PRKX: variants seen among roughly 807,000 people sequenced by gnomAD.
PRKX encodes the protein protein kinase cAMP-dependent X-linked catalytic subunit, also known as cAMP-dependent protein kinase catalytic subunit PRKX.
PRKX carries 12 observed loss-of-function variants against 22.0 expected under a neutral mutation model. The observed-to-expected ratio is 0.54, with a 90% CI of 0.35 to 0.88. The LOEUF (loss-of-function observed/expected upper bound fraction) is 0.88, where lower values mean the gene tolerates loss of function less well. Ranked by LOEUF, PRKX falls within the 40% of genes least tolerant of loss-of-function variation. The pLI, the probability that PRKX is intolerant of heterozygous loss-of-function variation, is 0.01. For missense variants in PRKX, 217 were observed against 308.0 expected (o/e 0.70, Z 2.21); for synonymous variants, 134 against 137.7 (o/e 0.97, Z 0.19).
At chrX:3,613,150 CA>C (rs528688936) in intron 7 of PRKX, among the ~76,000 whole-genome samples, 8 of 54,305 alleles carry the variant, frequency 1.5e-4, no homozygotes, top group African/African-American at 3.7e-4. Flanking sequence ...GACTTCGTCT[CA>C]AAAAAAAAAA....
At chrX:3,660,567 T>G (rs1447663699) in intron 2 of PRKX, among the ~76,000 whole-genome samples, 1 of 111,683 alleles carries the variant, frequency 9.0e-6, no homozygotes, top group Non-Finnish European at 1.9e-5. Flanking sequence ...CCCATCTACC[T>G]CACTCTGGGA....
At chrX:3,617,057 T>C (rs1397065525) in intron 6 of PRKX, among the ~76,000 whole-genome samples, 2 of 110,901 alleles carry the variant, frequency 1.8e-5, no homozygotes, top group East Asian at 5.6e-4. Flanking sequence ...CATTAATATA[T>C]ACACATACTT....
chrX:3,689,773 C>G lies in PRKX; in HGVS notation c.167-15007G>C, dbSNP rs193291270. On this transcript the variant is annotated intron_variant, in intron 1 of 8. Coordinates refer to ENST00000262848, the MANE Select transcript of PRKX (RefSeq NM_005044.5). Reference sequence around the variant, plus strand: ...CGGGCGGATCACAAGGTCAGGAGATCGAGACCATCCTGGCTAACACGGTGA... The same window carrying G: ...CGGGCGGATCACAAGGTCAGGAGATGGAGACCATCCTGGCTAACACGGTGA... 3.6e-3 allele frequency among the ~76,000 whole-genome samples: 401 copies of G among 111,599 alleles called. 1 individual carries two copies. Among genetic ancestry groups the G allele is most frequent in the Middle Eastern group, 9.3e-3 (2 of 216 alleles).
At chrX:3,682,469 G>A (rs1319700685) in intron 1 of PRKX, among the ~76,000 whole-genome samples, 1 of 110,725 alleles carries the variant, frequency 9.0e-6, no homozygotes, top group Non-Finnish European at 1.9e-5. Flanking sequence ...GCTCACCCCT[G>A]TAATCCCAGC....
At chrX:3,642,444 AG>A (rs2146574697) in intron 3 of PRKX, among the ~76,000 whole-genome samples, 1 of 109,995 alleles carries the variant, frequency 9.1e-6, no homozygotes, top group South Asian at 4.0e-4. Context: ...AGACACAGAG[AG>A]GGGGAAAAGC....
intron 5 of PRKX, among the ~76,000 whole-genome samples, chrX:3,622,071 G>T (rs1401622601): frequency 1.8e-5 from 2 of 110,983 alleles, no homozygotes; most frequent in African/African-American, 6.6e-5. Flanking sequence ...TTGAACCCAG[G>T]AGGCGAAGGT....
At chrX:3,617,049 TTAA>T (rs1168991639) in intron 6 of PRKX, among the ~76,000 whole-genome samples, 1 of 110,761 alleles carries the variant, frequency 9.0e-6, no homozygotes, top group East Asian at 2.8e-4. Flanking sequence ...CATACACACA[TTAA>T]TATATACACA....
intron 3 of PRKX, among the ~76,000 whole-genome samples, chrX:3,645,109 ATGAGACAGCC>A (rs1156451445): frequency 9.0e-6 from 1 of 111,232 alleles, no homozygotes; most frequent in Non-Finnish European, 1.9e-5. Flanking sequence ...TGAATATGAG[ATGAGACAGCC>A]TGAGTGTTAT....
At chrX:3,631,097 C>A (rs1926771191) in intron 4 of PRKX, among the ~76,000 whole-genome samples, 1 of 111,786 alleles carries the variant, frequency 8.9e-6, no homozygotes, top group African/African-American at 3.3e-5. Context: ...CAAATGACAC[C>A]CTCATTGATT....
chrX:3,619,392 A>G (rs1368410182), intron 6 of PRKX, among the ~76,000 whole-genome samples: 1 of 110,768 alleles, frequency 9.0e-6, no homozygotes, highest in Non-Finnish European at 1.9e-5. Flanking sequence ...TGGCCCTCAA[A>G]ATATATGCCC....
intron 3 of PRKX, among the ~76,000 whole-genome samples, chrX:3,642,853 C>T (rs1207107090): frequency 9.3e-6 from 1 of 107,336 alleles, no homozygotes; most frequent in African/African-American, 3.4e-5. Flanking sequence ...ACAAAATTAG[C>T]CAGGCATGGT....
intron 8 of PRKX, among the ~76,000 whole-genome samples, chrX:3,609,536 C>T (rs1926251740): frequency 1.8e-5 from 2 of 111,388 alleles, no homozygotes; most frequent in South Asian, 7.6e-4. Flanking sequence ...CTCACTGCAG[C>T]CTCAACTTTC....
chrX:3,709,733 C>T (rs1244244017), intron 1 of PRKX, among the ~76,000 whole-genome samples: 1 of 111,846 alleles, frequency 8.9e-6, no homozygotes, highest in Non-Finnish European at 1.9e-5. Context: ...GATGGCTGCA[C>T]AGATTCATCC....
intron 1 of PRKX, among the ~76,000 whole-genome samples, chrX:3,692,375 G>A (rs927716874): frequency 4.7e-4 from 52 of 110,240 alleles, no homozygotes; most frequent in Non-Finnish European, 9.3e-4. Context: ...CCGGCCCCCA[G>A]TTGAGACCCC....
chrX:3,624,546 C>A (rs902997679), intron 5 of PRKX, among the ~76,000 whole-genome samples: 17 of 110,850 alleles, frequency 1.5e-4, no homozygotes, highest in Admixed American at 5.8e-4. Context: ...TCTGCAATTC[C>A]TTTTTTTGTT....
intron 4 of PRKX, among the ~76,000 whole-genome samples, chrX:3,634,935 C>G (rs1313429995): frequency 8.9e-6 from 1 of 112,072 alleles, no homozygotes; most frequent in Non-Finnish European, 1.9e-5. Context: ...AACTCCTGGG[C>G]TCAAGTGATC....
chrX:3,648,734 C>A (rs6641820), intron 3 of PRKX, among the ~76,000 whole-genome samples: 16,547 of 105,716 alleles, frequency 0.16, 1,240 homozygotes, highest in East Asian at 0.36. Flanking sequence ...ATCCAGAGGA[C>A]AGTAATCAAT....
At chrX:3,668,464 T>C (rs1235471297) in intron 2 of PRKX, among the ~76,000 whole-genome samples, 2 of 112,080 alleles carry the variant, frequency 1.8e-5, no homozygotes, top group Non-Finnish European at 3.8e-5. Flanking sequence ...GGAATGATTT[T>C]ACTCCTACCC....
At chrX:3,710,925 A>G (rs1928776575) in intron 1 of PRKX, among the ~76,000 whole-genome samples, 2 of 111,404 alleles carry the variant, frequency 1.8e-5, no homozygotes, top group Non-Finnish European at 3.8e-5. Flanking sequence ...CTCACCCCTC[A>G]CTATTCTCCA....
Sources: gnomAD v4.1 joint callset for allele counts (sites outside exome capture counted in the v4.1 genomes callset) on GRCh38, gnomAD v4.1.1 for gene constraint, MANE v1.5 for transcripts, NCBI Gene and HGNC (gene_info 2026-07-23, HGNC 2026-07-21) for gene names.